The following SCN11A variants were observed in gnomAD, a reference collection of about 807,000 sequenced individuals.
SCN11A encodes the protein sodium channel protein type 11 subunit alpha.
SCN11A carries 122 observed loss-of-function variants against 162.2 expected under a neutral mutation model. The observed-to-expected ratio is 0.75, with a 90% CI of 0.65 to 0.87. SCN11A has a LOEUF of 0.87. Among genes scored for constraint, SCN11A ranks in the 40% least tolerant of loss-of-function variants. The probability of loss-of-function intolerance (pLI) is 0.00; values close to 1 mark genes in which losing one functional copy is unlikely to be tolerated. For synonymous variants in SCN11A, 758 were observed against 751.5 expected (o/e 1.01, Z -0.14); for missense variants, 2,015 against 2,181.6 (o/e 0.92, Z 1.52).
intron 28 of SCN11A, 135 bp downstream of exon 28, chr3:38,863,060 G>C (rs568816438): frequency 1.6e-6 from 1 of 615,344 alleles, no homozygotes; most frequent in East Asian, 2.8e-5. Flanking sequence ...CTAAGTGTTT[G>C]AATATGTCTT....
intron 2 of SCN11A, among the ~76,000 whole-genome samples, chr3:38,981,545 G>A (rs578181103): frequency 7.0e-6 from 1 of 143,016 alleles, no homozygotes; most frequent in Non-Finnish European, 1.5e-5. Context: ...GTTTGTGTGT[G>A]TGTGTGTGTG....
At chr3:39,044,735 TAAAC>T (rs1411440959) in intron 1 of SCN11A, among the ~76,000 whole-genome samples, 1 of 150,664 alleles carries the variant, frequency 6.6e-6, no homozygotes, top group African/African-American at 2.4e-5. Flanking sequence ...AGATTACAAA[TAAAC>T]AAACTAATGA....
chr3:38,892,338 T>C (rs972686896), intron 19 of SCN11A, among the ~76,000 whole-genome samples: 16 of 152,182 alleles, frequency 1.1e-4, no homozygotes, highest in Non-Finnish European at 1.5e-4. Flanking sequence ...ACAAGTATGA[T>C]AAAAAATATA....
chr3:38,998,611 T>A (rs891727816), intron 2 of SCN11A, among the ~76,000 whole-genome samples: 6 of 152,112 alleles, frequency 3.9e-5, no homozygotes, highest in South Asian at 4.1e-4. Context: ...TGCACACATA[T>A]GTTTATTGCG....
At chr3:39,030,236 A>C (rs947084127) in intron 2 of SCN11A, among the ~76,000 whole-genome samples, 3 of 152,244 alleles carry the variant, frequency 2.0e-5, no homozygotes, top group Non-Finnish European at 4.4e-5. Context: ...GATGCTCTGC[A>C]AAGAGGGCAG....
intron 2 of SCN11A, among the ~76,000 whole-genome samples, chr3:38,963,413 TATATGATGGAG>T (rs1464212994): frequency 0.01 from 596 of 58,798 alleles, 6 homozygotes; most frequent in African/African-American, 0.019. Flanking sequence ...TATATATATA[TATATGATGGAG>T]ATATATATAT....
At chr3:38,849,164 T>C (rs936347276) in intron 29 of SCN11A, 2 of 151,818 alleles carry the variant, frequency 1.3e-5, no homozygotes, top group Non-Finnish European at 2.9e-5. Context: ...GAAGGAGCTG[T>C]TGGAATGAAT....
At chr3:39,031,534 C>CAAAAAA (rs71622553) in intron 2 of SCN11A, among the ~76,000 whole-genome samples, 5 of 121,980 alleles carry the variant, frequency 4.1e-5, no homozygotes, top group Non-Finnish European at 6.8e-5. Context: ...AAACAAAAAA[C>CAAAAAA]AAACAAACAA....
intron 28 of SCN11A, among the ~76,000 whole-genome samples, chr3:38,855,392 T>C (rs2064851217): frequency 6.6e-6 from 1 of 152,206 alleles, no homozygotes; most frequent in Non-Finnish European, 1.5e-5. Context: ...AGTCTGCACT[T>C]GGACCTGCCT....
At chr3:38,893,927 A>C (rs2065542012) in intron 19 of SCN11A, among the ~76,000 whole-genome samples, 1 of 152,172 alleles carries the variant, frequency 6.6e-6, no homozygotes, top group Non-Finnish European at 1.5e-5. Flanking sequence ...GGCCCTCCTC[A>C]GACATCAAAT....
intron 9 of SCN11A, among the ~76,000 whole-genome samples, chr3:38,922,801 GT>G (rs905727620): frequency 1.3e-5 from 2 of 152,130 alleles, no homozygotes; most frequent in African/African-American, 4.8e-5. Context: ...TACTGCTTCT[GT>G]TTGAAAGGAC....
chr3:38,967,214 T>C (rs2125585691), intron 2 of SCN11A, among the ~76,000 whole-genome samples: 1 of 152,344 alleles, frequency 6.6e-6, no homozygotes, highest in East Asian at 1.9e-4. Flanking sequence ...TGATTTTCAC[T>C]TTCTTGTGTG....
intron 2 of SCN11A, among the ~76,000 whole-genome samples, chr3:39,003,418 A>G (rs1467413230): frequency 6.6e-6 from 1 of 152,210 alleles, no homozygotes; most frequent in East Asian, 1.9e-4. Flanking sequence ...GATTTTCTTT[A>G]TCCAATCTGT....
At chr3:39,051,543 G>A (rs1011579996) in intron 1 of SCN11A, among the ~76,000 whole-genome samples, 3 of 152,136 alleles carry the variant, frequency 2.0e-5, no homozygotes, top group African/African-American at 7.2e-5. Context: ...TCCTTTGCAA[G>A]GACTTCTATC....
At chr3:38,990,699 C>T (rs1255212755) in intron 2 of SCN11A, among the ~76,000 whole-genome samples, 2 of 152,110 alleles carry the variant, frequency 1.3e-5, no homozygotes, top group African/African-American at 4.8e-5. Context: ...ATTCATTCCT[C>T]CCCACAGCCC....
chr3:38,976,932 T>C (rs1189700724), intron 2 of SCN11A, among the ~76,000 whole-genome samples: 1 of 152,184 alleles, frequency 6.6e-6, no homozygotes, highest in Non-Finnish European at 1.5e-5. Flanking sequence ...AAGGTAGTGA[T>C]TTATTATTAT....
At chr3:38,974,485 G>C (rs2066835529) in intron 2 of SCN11A, among the ~76,000 whole-genome samples, 1 of 152,026 alleles carries the variant, frequency 6.6e-6, no homozygotes, top group Admixed American at 6.6e-5. Flanking sequence ...CACGAGGTCA[G>C]GAGATCGAGA....
chr3:38,936,489 A>G (rs1184962665), intron 7 of SCN11A, among the ~76,000 whole-genome samples: 118 of 151,592 alleles, frequency 7.8e-4, no homozygotes, highest in Non-Finnish European at 1.2e-3. Flanking sequence ...TCAGCCCAAA[A>G]TCTCCTTAAG....
chr3:38,963,230 A>T (rs1026218806), intron 2 of SCN11A, among the ~76,000 whole-genome samples: 1 of 144,822 alleles, frequency 6.9e-6, no homozygotes, highest in Non-Finnish European at 1.5e-5. Context: ...AGTCTTTATT[A>T]AAAAAAAAAA....
Sources: gnomAD v4.1 joint callset for allele counts (sites outside exome capture counted in the v4.1 genomes callset) on GRCh38, gnomAD v4.1.1 for gene constraint, MANE v1.5 for transcripts, NCBI Gene and HGNC (gene_info 2026-07-23, HGNC 2026-07-21) for gene names.